The following GFRA1 variants were observed in gnomAD, a reference collection of about 807,000 sequenced individuals.
The protein encoded by GFRA1 is GDNF family receptor alpha 1, also known as GDNF family receptor alpha-1.
Under a neutral mutation model 51.6 loss-of-function variants are expected in GFRA1, and 16 were observed. That is an observed-to-expected ratio of 0.31 (90% confidence interval 0.21 to 0.47). The LOEUF is 0.47. Ranked by LOEUF, GFRA1 falls within the 20% of genes least tolerant of loss-of-function variation. The pLI is 1.00. For synonymous variants in GFRA1, 270 were observed against 241.3 expected (o/e 1.12, Z -1.10); for missense variants, 530 against 594.3 (o/e 0.89, Z 1.13).
chr10:116,201,656 C>T (rs1964342788), intron 5 of GFRA1, among the ~76,000 whole-genome samples: 1 of 152,152 alleles, frequency 6.6e-6, no homozygotes, highest in Non-Finnish European at 1.5e-5. Context: ...AAGAGGACAG[C>T]ACCCACAGAC....
chr10:116,198,173 A>C (rs945813817), intron 5 of GFRA1, among the ~76,000 whole-genome samples: 3 of 152,194 alleles, frequency 2.0e-5, no homozygotes, highest in Non-Finnish European at 2.9e-5. Flanking sequence ...ATTAATTTAT[A>C]GACCTCCCTC....
chr10:116,127,602 T>C (rs570297418), intron 5 of GFRA1, among the ~76,000 whole-genome samples: 1 of 152,316 alleles, frequency 6.6e-6, no homozygotes, highest in East Asian at 1.9e-4. Context: ...GTACTGTTTC[T>C]CCATCTCGCT....
intron 5 of GFRA1, among the ~76,000 whole-genome samples, chr10:116,190,792 T>C (rs964133563): frequency 1.3e-5 from 2 of 152,260 alleles, no homozygotes; most frequent in Non-Finnish European, 2.9e-5. Flanking sequence ...CCTTTTCTCT[T>C]TGTGCACCAA....
At chr10:116,249,755 C>T (rs931340315) in intron 4 of GFRA1, among the ~76,000 whole-genome samples, 1 of 152,160 alleles carries the variant, frequency 6.6e-6, no homozygotes, top group African/African-American at 2.4e-5. Flanking sequence ...GCACCTACTA[C>T]ATAGTTTTCT....
At chr10:116,109,700 G>A (rs532757242) in intron 6 of GFRA1, among the ~76,000 whole-genome samples, 24 of 152,110 alleles carry the variant, frequency 1.6e-4, no homozygotes, top group Non-Finnish European at 2.5e-4. Flanking sequence ...TTCCTTCACC[G>A]CAGGGACCAC....
intron 9 of GFRA1, among the ~76,000 whole-genome samples, chr10:116,086,941 C>T (rs1956125680): frequency 6.6e-6 from 1 of 152,204 alleles, no homozygotes; most frequent in African/African-American, 2.4e-5. Flanking sequence ...CCTCAGCTTC[C>T]CAAGTAGCTG....
At chr10:116,259,618 G>C (rs756088476) in intron 4 of GFRA1, among the ~76,000 whole-genome samples, 1 of 152,172 alleles carries the variant, frequency 6.6e-6, no homozygotes, top group South Asian at 2.1e-4. Flanking sequence ...TTGTCAAACA[G>C]TGTTTTAGGG....
intron 9 of GFRA1, among the ~76,000 whole-genome samples, chr10:116,081,896 A>ATGTT (rs760816595): frequency 6.6e-6 from 1 of 152,100 alleles, no homozygotes; most frequent in Admixed American, 6.6e-5. Context: ...GCTTTCACAT[A>ATGTT]TGTTAGTAAC....
chr10:116,171,030 A>G (rs1243281917), intron 5 of GFRA1, among the ~76,000 whole-genome samples: 1 of 152,210 alleles, frequency 6.6e-6, no homozygotes, highest in Non-Finnish European at 1.5e-5. Flanking sequence ...AAAAGCTGTC[A>G]ATTAGGAAAA....
At chr10:116,081,538 T>G (rs1233783194) in intron 9 of GFRA1, among the ~76,000 whole-genome samples, 1 of 152,170 alleles carries the variant, frequency 6.6e-6, no homozygotes, top group Non-Finnish European at 1.5e-5. Flanking sequence ...TTGCCCTTGC[T>G]CCTCTCCTGA....
chr10:116,156,816 C>CTCTTTTGTTCTTTAAT (rs576584952), intron 5 of GFRA1, among the ~76,000 whole-genome samples: 5 of 151,676 alleles, frequency 3.3e-5, no homozygotes, highest in Non-Finnish European at 7.4e-5. Context: ...TACACTGTTT[C>CTCTTTTGTTCTTTAAT]TCTTTTGTTC....
intron 9 of GFRA1, among the ~76,000 whole-genome samples, chr10:116,067,485 G>T (rs866058864): frequency 6.6e-6 from 1 of 152,198 alleles, no homozygotes; most frequent in Non-Finnish European, 1.5e-5. Context: ...AGTTGCGCCT[G>T]AGTGTCCTAG....
In GFRA1 at chr10:116,060,732, C is replaced by T. The variant is rs542611816; in HGVS notation, c.*3666G>A. On this transcript the variant is annotated 3_prime_UTR_variant, in exon 11 of 11. Transcript: ENST00000355422. ...GAATCCAGGAGGTCATCAACAGCCT[C>T]GAAAGAGAATTAGAACACGTGAATT... 4 of 152,262 alleles carry T rather than the reference C, an allele frequency of 2.6e-5. No individual in the cohort carries two copies. Among genetic ancestry groups the T allele is most frequent in the East Asian group, 1.9e-4 (1 of 5,176 alleles). 9.4% of individuals were successfully genotyped at this position (152,262 alleles called of 1,614,324 possible).
intron 5 of GFRA1, among the ~76,000 whole-genome samples, chr10:116,142,772 A>G (rs1202472334): frequency 6.6e-6 from 1 of 152,154 alleles, no homozygotes; most frequent in African/African-American, 2.4e-5. Flanking sequence ...CATCAACAGT[A>G]GAAAACCCAT....
At chr10:116,123,145 G>A (rs749094985) in intron 6 of GFRA1, among the ~76,000 whole-genome samples, 27 of 152,156 alleles carry the variant, frequency 1.8e-4, no homozygotes, top group Non-Finnish European at 2.8e-4. Flanking sequence ...AGGGTGCTTC[G>A]ACACCCTAAT....
intron 4 of GFRA1, among the ~76,000 whole-genome samples, chr10:116,263,030 C>T (rs1315392767): frequency 1.3e-5 from 2 of 152,200 alleles, no homozygotes; most frequent in African/African-American, 4.8e-5. Flanking sequence ...AAAGGAGAGA[C>T]TCAGTGCAGG....
intron 5 of GFRA1, among the ~76,000 whole-genome samples, chr10:116,139,574 G>A (rs549973277): frequency 3.9e-5 from 6 of 152,332 alleles, no homozygotes; most frequent in African/African-American, 1.2e-4. Context: ...GATTCCCTCC[G>A]CTTTGTGCCT....
At chr10:116,174,538 A>C (rs1038933825) in intron 5 of GFRA1, among the ~76,000 whole-genome samples, 2 of 152,224 alleles carry the variant, frequency 1.3e-5, no homozygotes, top group African/African-American at 4.8e-5. Context: ...ATAATGACCT[A>C]AAACAGATTT....
At chr10:116,210,437 G>C (rs1965104318) in intron 5 of GFRA1, among the ~76,000 whole-genome samples, 1 of 152,178 alleles carries the variant, frequency 6.6e-6, no homozygotes, top group South Asian at 2.1e-4. Context: ...ACTCACTGCA[G>C]CAACAGGCCC....
Sources: gnomAD v4.1 joint callset for allele counts (sites outside exome capture counted in the v4.1 genomes callset) on GRCh38, gnomAD v4.1.1 for gene constraint, MANE v1.5 for transcripts, NCBI Gene and HGNC (gene_info 2026-07-23, HGNC 2026-07-21) for gene names.